The following LRRC8C variants were observed in gnomAD, a reference collection of about 807,000 sequenced individuals.
LRRC8C encodes leucine rich repeat containing 8 VRAC subunit C.
A neutral mutation model predicts 55.3 loss-of-function variants in LRRC8C; 20 were observed. The observed-to-expected ratio is 0.36, with a 90% CI of 0.25 to 0.53. The LOEUF is 0.53. Ranked by LOEUF, LRRC8C falls within the 20% of genes least tolerant of loss-of-function variation. The pLI is 0.92. For missense variants in LRRC8C, 659 were observed against 951.4 expected (o/e 0.69, Z 4.04); for synonymous variants, 376 against 360.7 (o/e 1.04, Z -0.48).
chr1:89,669,782 A>G (rs1327395527), intron 1 of LRRC8C, among the ~76,000 whole-genome samples: 1 of 152,196 alleles, frequency 6.6e-6, no homozygotes, highest in Non-Finnish European at 1.5e-5. Flanking sequence ...ATATTCTAGT[A>G]CTATATTAAT....
At chr1:89,686,920 CA>C (rs1557661607) in intron 2 of LRRC8C, among the ~76,000 whole-genome samples, 1 of 152,182 alleles carries the variant, frequency 6.6e-6, no homozygotes, top group African/African-American at 2.4e-5. Context: ...TGAAATGTAA[CA>C]TATGTCCAGC....
At chr1:89,638,733 A>G (rs1656367183) in intron 1 of LRRC8C, among the ~76,000 whole-genome samples, 1 of 152,130 alleles carries the variant, frequency 6.6e-6, no homozygotes. Flanking sequence ...TTACATTGAC[A>G]AAATTATTAA....
Position 89,712,854 on chromosome 1 carries a change from A to G in LRRC8C, c.284A>G (p.Glu95Gly), listed in dbSNP as rs753044155. The G allele has an allele frequency of 6.2e-7, 1 of 1,614,210 alleles. No individual in the cohort carries two copies. Among genetic ancestry groups the G allele is most frequent in the Admixed American group, 1.7e-5 (1 of 60,026 alleles). Residue 95 changes from glutamate to glycine, a missense_variant, in exon 3 of 3, where the codon GAA becomes GGA. Physicochemically the swap from Glu to Gly is moderately conservative, Grantham distance 98. Around this residue, in one of 5 missense-constraint regions of LRRC8C, gnomAD observed 82 missense variants for 71.4 expected, o/e 1.15. Coordinates refer to ENST00000370454, the MANE Select transcript of LRRC8C (RefSeq NM_032270.5). ...TCTCCTGCTAACCCCATCACTGTGG[A>G]AATGAAAGGCCTGAAGACAGATTTG... ...KPSPANPITV[E>G]MKGLKTDLDL...
intron 1 of LRRC8C, chr1:89,668,299 A>C (rs931875216): frequency 6.6e-6 from 1 of 152,516 alleles, no homozygotes; most frequent in African/African-American, 2.4e-5. Context: ...TTTAGCATCA[A>C]ATGAAAAACA....
chr1:89,690,720 G>A (rs1263889837), intron 2 of LRRC8C, among the ~76,000 whole-genome samples: 7 of 152,150 alleles, frequency 4.6e-5, no homozygotes, highest in African/African-American at 1.7e-4. Context: ...TTTCCTGTGT[G>A]CTGGTCAGAA....
intron 1 of LRRC8C, among the ~76,000 whole-genome samples, chr1:89,686,186 T>G (rs914765774): frequency 3.9e-5 from 6 of 152,202 alleles, no homozygotes; most frequent in African/African-American, 1.4e-4. Context: ...AGGAAATAAC[T>G]GGGACTTGGA....
chr1:89,644,771 A>T (rs991318143), intron 1 of LRRC8C, among the ~76,000 whole-genome samples: 3 of 152,218 alleles, frequency 2.0e-5, no homozygotes, highest in Admixed American at 2.0e-4. Flanking sequence ...TGACCCCAGA[A>T]GTGCTCATGA....
At chr1:89,701,337 G>A (rs189428116) in intron 2 of LRRC8C, among the ~76,000 whole-genome samples, 152 of 152,114 alleles carry the variant, frequency 1.0e-3, no homozygotes, top group African/African-American at 3.3e-3. Context: ...TTAGCCGGGC[G>A]TGGTGGTGGG....
intron 1 of LRRC8C, among the ~76,000 whole-genome samples, chr1:89,679,201 T>G (rs1657634772): frequency 6.6e-6 from 1 of 152,110 alleles, no homozygotes; most frequent in South Asian, 2.1e-4. Context: ...GGCTGTGGTG[T>G]CCTTTAAAAG....
intron 2 of LRRC8C, among the ~76,000 whole-genome samples, chr1:89,711,279 T>TACC (rs1658641063): frequency 6.6e-6 from 1 of 152,238 alleles, no homozygotes; most frequent in Non-Finnish European, 1.5e-5. Flanking sequence ...CTCATGCTTC[T>TACC]ATATGGTAGG....
chr1:89,641,369 T>C (rs1010565836), intron 1 of LRRC8C, among the ~76,000 whole-genome samples: 12 of 152,194 alleles, frequency 7.9e-5, no homozygotes, highest in African/African-American at 2.9e-4. Flanking sequence ...GGGTTCAAGG[T>C]CACTAGACTT....
intron 1 of LRRC8C, among the ~76,000 whole-genome samples, chr1:89,634,343 C>CG (rs981789681): frequency 8.5e-4 from 130 of 152,248 alleles, no homozygotes; most frequent in African/African-American, 2.9e-3. Context: ...GTGTTTGGCA[C>CG]GGGGAGGCTT....
intron 1 of LRRC8C, among the ~76,000 whole-genome samples, chr1:89,639,516 C>T (rs979432208): frequency 2.6e-5 from 4 of 152,148 alleles, no homozygotes; most frequent in Admixed American, 2.0e-4. Context: ...TGGCATGCTC[C>T]CTTCCCCCCC....
intron 1 of LRRC8C, among the ~76,000 whole-genome samples, chr1:89,635,334 ATATT>A (rs1414668495): frequency 3.3e-5 from 5 of 152,204 alleles, no homozygotes; most frequent in Admixed American, 6.5e-5. Context: ...GGTGGAAACT[ATATT>A]TATTTTGCCA....
intron 1 of LRRC8C, among the ~76,000 whole-genome samples, chr1:89,685,367 G>A (rs939169020): frequency 3.3e-5 from 5 of 149,660 alleles, no homozygotes; most frequent in Admixed American, 6.7e-5. Flanking sequence ...CACCCGCCTC[G>A]GCCTCCCAAA....
In LRRC8C at chr1:89,713,412, G is replaced by A. The variant is rs758088658; in HGVS notation, c.842G>A (p.Ser281Asn). Reference protein sequence around the residue: ...IKFLIIIAYNSALVSKVQFTV... With the variant: ...IKFLIIIAYNNALVSKVQFTV... ...TTCCTAATCATCATTGCATATAATA[G>A]TGCTCTGGTTTCCAAGGTCCAGTTT... The change falls in exon 3 of 3, where the codon AGT becomes AAT. Residue 281 changes from serine (S) to asparagine (N), a missense_variant. By Grantham distance (46) the Ser-to-Asn change is conservative. Transcript: ENST00000370454. This position sits in a 1 kb window ranked among gnomAD's most constrained non-coding sequence, Gnocchi z 5.2. 13 of 1,614,150 alleles carry A rather than the reference G, an allele frequency of 8.1e-6. No homozygotes were observed. Among genetic ancestry groups the A allele is most frequent in the Non-Finnish European group, 1.0e-5 (12 of 1,180,028 alleles).
chr1:89,634,105 C>T (rs1481748885), intron 1 of LRRC8C, among the ~76,000 whole-genome samples: 1 of 152,168 alleles, frequency 6.6e-6, no homozygotes, highest in Non-Finnish European at 1.5e-5. Flanking sequence ...GCCCGGTATA[C>T]AGCAAAGTCC....
At chr1:89,669,276 G>C (rs961929671) in intron 1 of LRRC8C, among the ~76,000 whole-genome samples, 1 of 152,060 alleles carries the variant, frequency 6.6e-6, no homozygotes, top group Non-Finnish European at 1.5e-5. Flanking sequence ...CAGGGGCTGG[G>C]GGGAGGGGAA....
intron 1 of LRRC8C, among the ~76,000 whole-genome samples, chr1:89,638,202 T>C (rs1309412341): frequency 6.6e-6 from 1 of 151,998 alleles, no homozygotes; most frequent in African/African-American, 2.4e-5. Context: ...CCAGAAGAGG[T>C]TGTGAAGGTA....
Sources: allele counts gnomAD v4.1 joint callset (sites outside exome capture counted in the v4.1 genomes callset), GRCh38; gene constraint gnomAD v4.1.1; regional missense constraint gnomAD v4.1.1; non-coding constraint Gnocchi (gnomAD v3.1); transcripts MANE v1.5; gene names NCBI Gene and HGNC (gene_info 2026-07-23, HGNC 2026-07-21).